Variants in LMNB2 observed in about 807,000 individuals in gnomAD.
The protein encoded by LMNB2 is lamin-B2.
Under a neutral mutation model 69.3 loss-of-function variants are expected in LMNB2, and 17 were observed. That is an observed-to-expected ratio of 0.25 (90% CI 0.17 to 0.37). LMNB2 has a LOEUF of 0.37. Among genes scored for constraint, LMNB2 ranks in the 10% least tolerant of loss-of-function variants. LMNB2 has a pLI of 1.00. For synonymous variants in LMNB2, 397 were observed against 389.3 expected (o/e 1.02, Z -0.23); for missense variants, 789 against 883.6 (o/e 0.89, Z 1.36).
chr19:2,444,645 A>T, intron 1 of LMNB2, 105 bp from the exon 2 acceptor site: 1 of 1,446,698 alleles, frequency 6.9e-7, no homozygotes, highest in Non-Finnish European at 9.6e-7. Context: ...AGGGACTGGC[A>T]CGCAGAGAGA....
rs1972056344 is a variant in LMNB2, at chr19:2,453,704, G to A, written c.264+2966C>T. Among the ~76,000 whole-genome samples the A allele has an allele frequency of 6.6e-6, 1 of 152,182 alleles. No homozygotes were observed. Among genetic ancestry groups the A allele is most frequent in the South Asian group, 2.1e-4 (1 of 4,834 alleles). On this transcript the variant is annotated intron_variant, in intron 1 of 11. Coordinates refer to ENST00000325327, the MANE Select transcript of LMNB2 (RefSeq NM_032737.4). The surrounding 1 kb of genome is among the most constrained non-coding windows in gnomAD (Gnocchi z 4.4). ...AAAGGATGCTGCTGCGGCCCCGAGA[G>A]GTGGCTGGGCCAGGCTCCCTCTAGG...
In LMNB2 at chr19:2,434,032, A is replaced by G; in HGVS notation, c.1276T>C (p.Ser426Pro). ...RATSSSSGSL[S>P]ATGRLGRSKR... ...CTGCGGCCCAGGCGCCCGGTGGCGG[A>G]CAAGCTGCCGCTGCTGCTCGAGGTG... The change falls in exon 8 of 12, where the codon TCC becomes CCC. Residue 426 changes from serine (S) to proline (P), a missense_variant. Coordinates refer to ENST00000325327, the MANE Select transcript of LMNB2 (RefSeq NM_032737.4). The G allele has an allele frequency of 6.2e-7, 1 of 1,603,624 alleles. No homozygotes were observed.
intron 9 of LMNB2, 55 bp downstream of exon 9, chr19:2,432,333 CGCCAAGTCCTGTGCCTCCAGTCCCCTGA>C: frequency 3.3e-6 from 3 of 906,280 alleles, no homozygotes; most frequent in Non-Finnish European, 5.3e-6. Context: ...CACCCACCCC[CGCCAAGTCCTGTGCCTCCAGTCCCCTGA>C]CCCCACCTCA....
chr19:2,440,598 C>A (rs1971888160), intron 2 of LMNB2, among the ~76,000 whole-genome samples: 1 of 151,938 alleles, frequency 6.6e-6, no homozygotes, highest in African/African-American at 2.4e-5. Flanking sequence ...ACTCATCTGT[C>A]CATCTATCCA....
rs745399017 is a variant in LMNB2, at chr19:2,435,069, G to C, written c.787C>G (p.Leu263Val). Residue 263 changes from leucine to valine, a missense_variant, in exon 5 of 12, where the codon CTG (leucine) becomes GTG (valine). Physicochemically the swap from Leu to Val is conservative, Grantham distance 32. This residue lies in a region of LMNB2 where 609 missense variants were observed against 630.9 expected (regional missense o/e 0.97). Transcript: ENST00000325327. ...DFKMAQALEE[L>V]RSQHDEQVRL... Reference sequence around the variant, plus strand: ...ACTTGCTCGTCGTGCTGGCTCCGCAGCTCCTCCAGCGCCTGTGCCATCTTG... The same window carrying C: ...ACTTGCTCGTCGTGCTGGCTCCGCACCTCCTCCAGCGCCTGTGCCATCTTG... 1 of 1,610,602 alleles carries C rather than the reference G, an allele frequency of 6.2e-7. No homozygotes were observed. The highest frequency in any genetic ancestry group is 8.5e-7 in the Non-Finnish European group (1 of 1,179,648).
Position 2,432,439 on chromosome 19 carries a change from G to A in LMNB2, c.1567C>T (p.Leu523=), listed in dbSNP as rs373654310. Residue 523 remains leucine (L), a synonymous_variant, in exon 9 of 12, where the codon CTG becomes TTG. Coordinates refer to ENST00000325327, the MANE Select transcript of LMNB2 (RefSeq NM_032737.4). ...ACCGTGACCATCTGGCCGGCGCGCA[G>A]GATGTACTTGGGCGTGAACTTGTAG... ...IAYKFTPKYI[L]RAGQMVTVWA... The A allele has an allele frequency of 2.0e-5, 32 of 1,612,144 alleles. No individual in the cohort carries two copies. Among genetic ancestry groups the A allele is most frequent in the Middle Eastern group, 3.3e-4 (2 of 6,052 alleles).
intron 1 of LMNB2, among the ~76,000 whole-genome samples, chr19:2,452,249 G>C (rs922535515): frequency 2.6e-5 from 4 of 152,166 alleles, no homozygotes; most frequent in Non-Finnish European, 5.9e-5. Flanking sequence ...GAGTGTGCAA[G>C]GGTGAACTCC....
At chr19:2,436,428 C>T (rs1599333415) in intron 4 of LMNB2, among the ~76,000 whole-genome samples, 1 of 138,460 alleles carries the variant, frequency 7.2e-6, no homozygotes, top group Admixed American at 7.2e-5. Context: ...AGTAGAAACG[C>T]TTCTGAAGGA....
At position 2,432,453 on chromosome 19, in the gene LMNB2, G is replaced by A. The variant is rs368745985; in HGVS notation, c.1553C>T (p.Thr518Met). 1.7e-5 allele frequency: 28 copies of A among 1,613,470 alleles called. No homozygotes were observed. In the African/African-American group the frequency reaches 2.3e-4, roughly 13 times the overall value. Reference protein sequence around the residue: ...LEGEEIAYKFTPKYILRAGQM... With the variant: ...LEGEEIAYKFMPKYILRAGQM... ...GCCGGCGCGCAGGATGTACTTGGGC[G>A]TGAACTTGTAGGCGATCTCCTCCCC... The change falls in exon 9 of 12, where the codon ACG becomes ATG. Residue 518 changes from threonine to methionine, a missense_variant. Physicochemically the swap from Thr to Met is moderately conservative, Grantham distance 81. Transcript: ENST00000325327.
intron 1 of LMNB2, 29 bp downstream of exon 1, chr19:2,456,641 C>T: frequency 6.9e-7 from 1 of 1,459,476 alleles, no homozygotes; most frequent in Non-Finnish European, 9.1e-7. Context: ...GGCTGCACCC[C>T]CGCCCGGCCC....
At chr19:2,431,111 C>T (rs1267053275) in intron 11 of LMNB2, among the ~76,000 whole-genome samples, 159 bp from the exon 12 acceptor site, 5 of 151,838 alleles carry the variant, frequency 3.3e-5, no homozygotes, top group Admixed American at 6.6e-5. Flanking sequence ...CCCATGAGCC[C>T]GCCTGTGAGC....
At chr19:2,446,646 A>G (rs1345817335) in intron 1 of LMNB2, among the ~76,000 whole-genome samples, 2 of 152,196 alleles carry the variant, frequency 1.3e-5, no homozygotes, top group African/African-American at 4.8e-5. Flanking sequence ...GTCCGTCAAG[A>G]AGACAGACAG....
chr19:2,438,904 A>C (rs541670447), intron 2 of LMNB2, among the ~76,000 whole-genome samples: 19 of 152,326 alleles, frequency 1.2e-4, no homozygotes, highest in South Asian at 1.0e-3. Context: ...TTGTAAACTT[A>C]AGCTGTCTGA....
rs749336195 is a variant in LMNB2, at chr19:2,433,884, C to T, written c.1424G>A (p.Ser475Asn). The T allele has an allele frequency of 1.9e-6, 3 of 1,613,226 alleles. No individual in the cohort carries two copies. The highest frequency in any genetic ancestry group is 2.5e-6 in the Non-Finnish European group (3 of 1,179,892). The change falls in exon 8 of 12, where the codon AGC (serine) becomes AAC (asparagine). Residue 475 changes from serine to asparagine, a missense_variant. Ser to Asn is a conservative substitution (Grantham distance 46). Transcript: ENST00000325327. Reference protein sequence around the residue: ...AQQASASGSVSIEEIDLEGKF... With the variant: ...AQQASASGSVNIEEIDLEGKF... ...GCCCTCCAGGTCGATCTCCTCGATGCTGACGCTACCCGAGGCCGAGGCCTG... is the reference window on the plus strand; with the variant it reads ...GCCCTCCAGGTCGATCTCCTCGATGTTGACGCTACCCGAGGCCGAGGCCTG...
chr19:2,449,034 A>G (rs952253834), intron 1 of LMNB2, among the ~76,000 whole-genome samples: 3 of 152,138 alleles, frequency 2.0e-5, no homozygotes, highest in Non-Finnish European at 2.9e-5. Context: ...GACTATAGGC[A>G]CACATACTAC....
intron 1 of LMNB2, among the ~76,000 whole-genome samples, chr19:2,455,748 TCCC>T (rs1972079370): frequency 6.8e-6 from 1 of 146,952 alleles, no homozygotes; most frequent in Non-Finnish European, 1.5e-5. Context: ...TCCCAAGGGG[TCCC>T]CCAAGATCTC....
At chr19:2,450,983 A>G (rs1972015595) in intron 1 of LMNB2, among the ~76,000 whole-genome samples, 1 of 151,680 alleles carries the variant, frequency 6.6e-6, no homozygotes, top group Non-Finnish European at 1.5e-5. Context: ...GCTCATGCCT[A>G]TAATCCCAGC....
intron 4 of LMNB2, among the ~76,000 whole-genome samples, chr19:2,436,254 G>C (rs1483799401): frequency 2.0e-5 from 3 of 152,156 alleles, no homozygotes; most frequent in Non-Finnish European, 4.4e-5. Flanking sequence ...CCGTACTCCA[G>C]CCTGGGTGAC....
rs1000899518 is a variant in LMNB2, at chr19:2,453,305, A to C, written c.264+3365T>G. 3.3e-5 allele frequency among the ~76,000 whole-genome samples: 5 copies of C among 151,898 alleles called. No homozygotes were observed. The highest frequency in any genetic ancestry group is 1.2e-4 in the African/African-American group (5 of 41,346). On this transcript the variant is annotated intron_variant, in intron 1 of 11. Coordinates refer to ENST00000325327, the MANE Select transcript of LMNB2 (RefSeq NM_032737.4). The surrounding 1 kb of genome is among the most constrained non-coding windows in gnomAD (Gnocchi z 4.4). ...TGCATGCTCTTAGGCCTGACACCCC[A>C]GGTCCCTCCTCGTTCAGAGCTCCCT...
Sources: allele counts gnomAD v4.1 joint callset (sites outside exome capture counted in the v4.1 genomes callset), GRCh38; gene constraint gnomAD v4.1.1; regional missense constraint gnomAD v4.1.1; non-coding constraint Gnocchi (gnomAD v3.1); transcripts MANE v1.5; gene names NCBI Gene and HGNC (gene_info 2026-07-23, HGNC 2026-07-21).